SDK1: variants seen among roughly 807,000 people sequenced by gnomAD.
SDK1 encodes the protein protein sidekick-1.
In SDK1, 157 loss-of-function variants were observed where a neutral mutation model predicts 245.5. The observed-to-expected ratio is 0.64, with a 90% CI of 0.56 to 0.73. The LOEUF (loss-of-function observed/expected upper bound fraction) is 0.73, where lower values mean the gene tolerates loss of function less well. Among genes scored for constraint, SDK1 ranks in the 30% least tolerant of loss-of-function variants. SDK1 has a pLI of 0.00. For missense variants in SDK1, 3,583 were observed against 3,002.3 expected, an observed-to-expected ratio of 1.19 and a Z score of -4.52; for synonymous variants, 1,647 against 1,278.5, an observed-to-expected ratio of 1.29 and a Z score of -6.15.
intron 1 of SDK1, among the ~76,000 whole-genome samples, chr7:3,520,419 G>A (rs140075512): frequency 1.8e-4 from 28 of 152,286 alleles, no homozygotes; most frequent in African/African-American, 6.5e-4. Flanking sequence ...CAGGCTGTGT[G>A]TAAAAGCTCT....
At chr7:3,421,318 T>A (rs1355419408) in intron 1 of SDK1, among the ~76,000 whole-genome samples, 1 of 152,078 alleles carries the variant, frequency 6.6e-6, no homozygotes, top group Non-Finnish European at 1.5e-5. Flanking sequence ...GTGACCCGCC[T>A]GCCCTCCTCG....
intron 4 of SDK1, among the ~76,000 whole-genome samples, chr7:3,646,244 C>G (rs769605958): frequency 1.2e-4 from 18 of 152,140 alleles, no homozygotes; most frequent in Non-Finnish European, 2.4e-4. Context: ...TTCATTTTCT[C>G]TCCCCACCTC....
intron 5 of SDK1, among the ~76,000 whole-genome samples, chr7:3,848,053 A>T (rs1336225388): frequency 6.6e-6 from 1 of 152,258 alleles, no homozygotes; most frequent in African/African-American, 2.4e-5. Flanking sequence ...ATACACATAC[A>T]AACCGTATTT....
chr7:3,827,584 G>A (rs377513967), intron 5 of SDK1, among the ~76,000 whole-genome samples: 6 of 152,204 alleles, frequency 3.9e-5, no homozygotes, highest in East Asian at 1.9e-4. Flanking sequence ...TGGGACCTAC[G>A]TGTGTTGTCA....
In SDK1 at chr7:4,182,627, G is replaced by A. The variant is rs945479542; in HGVS notation, c.5098+4041G>A. Among the ~76,000 whole-genome samples the A allele has an allele frequency of 3.3e-5, 5 of 152,284 alleles. No homozygotes were observed. In the East Asian group the frequency reaches 7.7e-4, roughly 24 times the overall value. ...AAGCTCCTCATCCTGAGGGAGAGGAGGGAGAAGGAACCTATGGTCTCTGTC... is the reference window on the plus strand; with the variant it reads ...AAGCTCCTCATCCTGAGGGAGAGGAAGGAGAAGGAACCTATGGTCTCTGTC... On this transcript the variant is annotated intron_variant, in intron 35 of 44. Transcript: ENST00000404826.
At chr7:4,144,974 C>T (rs368626543) in intron 28 of SDK1, among the ~76,000 whole-genome samples, 3 of 152,198 alleles carry the variant, frequency 2.0e-5, no homozygotes, top group East Asian at 1.9e-4. Flanking sequence ...GCAGAGTTAA[C>T]AAGGTTCCTC....
intron 4 of SDK1, among the ~76,000 whole-genome samples, chr7:3,816,225 G>A (rs28878847): frequency 1.3e-5 from 2 of 151,584 alleles, no homozygotes; most frequent in African/African-American, 4.9e-5. Flanking sequence ...AGCTAGCAGA[G>A]GGCAAGAACT....
chr7:3,413,162 G>A (rs1779259599), intron 1 of SDK1, among the ~76,000 whole-genome samples: 1 of 152,144 alleles, frequency 6.6e-6, no homozygotes, highest in African/African-American at 2.4e-5. Context: ...CCAGAAATGT[G>A]GAAATCTTGG....
chr7:3,602,364 G>T (rs1036406172), intron 1 of SDK1, among the ~76,000 whole-genome samples: 2 of 150,236 alleles, frequency 1.3e-5, no homozygotes, highest in African/African-American at 2.5e-5. Flanking sequence ...TTTAATGATT[G>T]CTATTCTAAC....
chr7:3,893,697 T>C (rs1781519121), intron 5 of SDK1, among the ~76,000 whole-genome samples: 1 of 151,312 alleles, frequency 6.6e-6, no homozygotes, highest in Non-Finnish European at 1.5e-5. Flanking sequence ...CCAGCCACGA[T>C]GGCATTCTAG....
At chr7:4,089,973 G>A (rs1168832435) in intron 22 of SDK1, among the ~76,000 whole-genome samples, 3 of 152,162 alleles carry the variant, frequency 2.0e-5, no homozygotes, top group Non-Finnish European at 4.4e-5. Flanking sequence ...GAAGACTACA[G>A]GCCGGTTATT....
intron 14 of SDK1, among the ~76,000 whole-genome samples, chr7:4,006,779 A>G (rs1334212350): frequency 6.6e-6 from 1 of 152,224 alleles, no homozygotes; most frequent in Admixed American, 6.5e-5. Flanking sequence ...GAGGTAATTA[A>G]TAGGCCCTGT....
chr7:3,987,566 G>T (rs1463162888), intron 14 of SDK1, among the ~76,000 whole-genome samples: 4 of 152,172 alleles, frequency 2.6e-5, no homozygotes, highest in Non-Finnish European at 5.9e-5. Flanking sequence ...GGGGCCCCAT[G>T]GGAGGGCTGT....
intron 1 of SDK1, among the ~76,000 whole-genome samples, chr7:3,320,552 G>A (rs770795368): frequency 4.6e-5 from 7 of 152,072 alleles, no homozygotes; most frequent in African/African-American, 1.7e-4. Context: ...ACTAATTTTT[G>A]TTCTTTACAC....
At chr7:3,417,281 A>G (rs181207141) in intron 1 of SDK1, among the ~76,000 whole-genome samples, 2 of 152,328 alleles carry the variant, frequency 1.3e-5, no homozygotes, top group Admixed American at 6.5e-5. Flanking sequence ...AAACTATGGA[A>G]CAAATAGAGG....
chr7:4,181,757 G>A (rs575483488), intron 35 of SDK1, among the ~76,000 whole-genome samples: 2 of 152,198 alleles, frequency 1.3e-5, no homozygotes, highest in Non-Finnish European at 2.9e-5. Context: ...CCTTTTCCAT[G>A]CACACACACA....
At chr7:3,385,942 A>T (rs1405406239) in intron 1 of SDK1, among the ~76,000 whole-genome samples, 1 of 152,098 alleles carries the variant, frequency 6.6e-6, no homozygotes, top group Non-Finnish European at 1.5e-5. Flanking sequence ...TAGTAGAATC[A>T]AAATACATGT....
At chr7:3,391,350 T>C (rs1463729804) in intron 1 of SDK1, among the ~76,000 whole-genome samples, 2 of 152,122 alleles carry the variant, frequency 1.3e-5, no homozygotes, top group African/African-American at 4.8e-5. Flanking sequence ...GTGCAGGACT[T>C]AGGAACACAC....
At chr7:3,603,483 T>C (rs1781314818) in intron 1 of SDK1, among the ~76,000 whole-genome samples, 1 of 151,618 alleles carries the variant, frequency 6.6e-6, no homozygotes, top group Non-Finnish European at 1.5e-5. Flanking sequence ...GCTCTCTGTT[T>C]GTCTGTTATT....
Sources: allele counts gnomAD v4.1 joint callset (sites outside exome capture counted in the v4.1 genomes callset), GRCh38; gene constraint gnomAD v4.1.1; transcripts MANE v1.5; gene names NCBI Gene and HGNC (gene_info 2026-07-23, HGNC 2026-07-21).